The following MACROD2 variants were observed in gnomAD, a reference collection of about 807,000 sequenced individuals.
The protein encoded by MACROD2 is ADP-ribose glycohydrolase MACROD2.
In MACROD2, 36 loss-of-function variants were observed where a neutral mutation model predicts 70.4. The observed-to-expected ratio is 0.51, with a 90% confidence interval of 0.39 to 0.68. The LOEUF (loss-of-function observed/expected upper bound fraction) is 0.68. Ranked by LOEUF, MACROD2 falls within the 30% of genes least tolerant of loss-of-function variation. The pLI is 0.00. For synonymous variants in MACROD2, 172 were observed against 178.8 expected (o/e 0.96, Z 0.30); for missense variants, 496 against 538.4 (o/e 0.92, Z 0.78).
intron 8 of MACROD2, among the ~76,000 whole-genome samples, chr20:15,537,170 A>T (rs1177013484): frequency 6.6e-6 from 1 of 152,072 alleles, no homozygotes; most frequent in Non-Finnish European, 1.5e-5. Flanking sequence ...GTCTCACGAG[A>T]TCTGATGGTT....
At chr20:14,442,799 G>C (rs62204396) in intron 3 of MACROD2, among the ~76,000 whole-genome samples, 6 of 151,918 alleles carry the variant, frequency 3.9e-5, no homozygotes, top group African/African-American at 1.2e-4. Context: ...CTACAGGGCC[G>C]GGCACGGTGG....
At chr20:15,475,577 C>T (rs2047012079) in intron 7 of MACROD2, among the ~76,000 whole-genome samples, 1 of 152,202 alleles carries the variant, frequency 6.6e-6, no homozygotes, top group Non-Finnish European at 1.5e-5. Context: ...TGTGTTCCCT[C>T]AGCAAACCTC....
intron 3 of MACROD2, among the ~76,000 whole-genome samples, chr20:14,493,235 A>G (rs1208460960): frequency 6.6e-6 from 1 of 152,028 alleles, no homozygotes; most frequent in African/African-American, 2.4e-5. Context: ...TAATTTTATT[A>G]GAAGGAAATA....
chr20:15,632,902 G>A (rs536247400), intron 8 of MACROD2, among the ~76,000 whole-genome samples: 32 of 133,008 alleles, frequency 2.4e-4, no homozygotes, highest in African/African-American at 4.9e-4. Flanking sequence ...TCCTTCTTTC[G>A]TTCCCTTCTT....
chr20:14,154,398 T>C (rs2055065362), intron 3 of MACROD2, among the ~76,000 whole-genome samples: 1 of 150,840 alleles, frequency 6.6e-6, no homozygotes, highest in Non-Finnish European at 1.5e-5. Context: ...TCTTTTTTTT[T>C]TTTTTTGAGA....
In MACROD2 at chr20:15,540,131, T is replaced by C. The variant is rs186644387; in HGVS notation, c.645+40284T>C. Among the ~76,000 whole-genome samples the C allele has an allele frequency of 3.6e-3, 548 of 152,294 alleles. 3 individuals carry two copies. Among genetic ancestry groups the C allele is most frequent in the African/African-American group, 0.013 (520 of 41,556 alleles). On this transcript the variant is annotated intron_variant, in intron 8 of 17. Transcript: ENST00000684519. ...AAAGGTATAGGGATGACAGAGACCATGGTTGCTCAGATAATGACAAACAGC... is the reference window on the plus strand; with the variant it reads ...AAAGGTATAGGGATGACAGAGACCACGGTTGCTCAGATAATGACAAACAGC...
chr20:14,177,443 A>C (rs2081272063), intron 3 of MACROD2, among the ~76,000 whole-genome samples: 2 of 151,742 alleles, frequency 1.3e-5, no homozygotes, highest in Non-Finnish European at 2.9e-5. Flanking sequence ...CAGCCTCCCA[A>C]GTAGCTGGGA....
chr20:15,701,963 G>A (rs1289057648), intron 8 of MACROD2, among the ~76,000 whole-genome samples: 2 of 152,138 alleles, frequency 1.3e-5, no homozygotes, highest in Non-Finnish European at 2.9e-5. Context: ...ATGGCCTCTA[G>A]CTGCATCCAT....
At chr20:14,036,751 C>T (rs1477037932) in intron 2 of MACROD2, among the ~76,000 whole-genome samples, 2 of 152,184 alleles carry the variant, frequency 1.3e-5, no homozygotes, top group African/African-American at 4.8e-5. Flanking sequence ...GCCACCTCTG[C>T]CTCCCAGGCT....
intron 3 of MACROD2, among the ~76,000 whole-genome samples, chr20:14,314,988 T>G (rs1279241578): frequency 6.6e-6 from 1 of 152,052 alleles, no homozygotes; most frequent in East Asian, 1.9e-4. Flanking sequence ...CAAACCTAGG[T>G]CTGTCTAATT....
At chr20:14,775,571 T>A (rs1334465521) in intron 5 of MACROD2, among the ~76,000 whole-genome samples, 2 of 152,004 alleles carry the variant, frequency 1.3e-5, no homozygotes, top group Non-Finnish European at 2.9e-5. Context: ...AAGCTATTCA[T>A]GAGGGATTCA....
At chr20:14,657,905 A>G (rs900356314) in intron 4 of MACROD2, among the ~76,000 whole-genome samples, 8 of 152,114 alleles carry the variant, frequency 5.3e-5, no homozygotes, top group Non-Finnish European at 1.0e-4. Context: ...GATGTCTTCT[A>G]AAATGACTGT....
intron 5 of MACROD2, among the ~76,000 whole-genome samples, chr20:15,140,344 C>CT (rs397808845): frequency 2.5e-4 from 38 of 151,912 alleles, no homozygotes; most frequent in African/African-American, 8.2e-4. Flanking sequence ...AAAGGCCTAT[C>CT]AGTACATTAT....
chr20:15,635,314 T>A (rs6079912), intron 8 of MACROD2, among the ~76,000 whole-genome samples: 1 of 152,144 alleles, frequency 6.6e-6, no homozygotes, highest in Non-Finnish European at 1.5e-5. Flanking sequence ...AGCTAACGAA[T>A]GGCAAAACCA....
intron 3 of MACROD2, among the ~76,000 whole-genome samples, chr20:14,150,330 T>G (rs1297046936): frequency 6.6e-6 from 1 of 152,202 alleles, no homozygotes; most frequent in Non-Finnish European, 1.5e-5. Flanking sequence ...GTCATGTAAC[T>G]TCTTCTAGTA....
At chr20:14,107,475 A>C (rs549825018) in intron 3 of MACROD2, among the ~76,000 whole-genome samples, 2 of 152,306 alleles carry the variant, frequency 1.3e-5, no homozygotes, top group South Asian at 4.1e-4. Context: ...GATGGGGTAG[A>C]AAGTGTATTC....
intron 6 of MACROD2, among the ~76,000 whole-genome samples, chr20:15,417,968 A>C (rs980098312): frequency 6.6e-6 from 1 of 152,194 alleles, no homozygotes; most frequent in Non-Finnish European, 1.5e-5. Context: ...TCAAGGACCG[A>C]GGATGCTCAA....
intron 10 of MACROD2, 102 bp from the exon 11 acceptor site, chr20:15,933,174 C>A: frequency 8.8e-7 from 1 of 1,131,562 alleles, no homozygotes. Context: ...GGGAGTCATG[C>A]TACATTGGTT....
intron 12 of MACROD2, among the ~76,000 whole-genome samples, chr20:15,941,488 A>G (rs980242021): frequency 1.1e-4 from 9 of 83,770 alleles, no homozygotes; most frequent in African/African-American, 3.1e-4. Flanking sequence ...ATAGATACCT[A>G]GCTTAGAAAA....
Sources: allele counts gnomAD v4.1 joint callset (sites outside exome capture counted in the v4.1 genomes callset), GRCh38; gene constraint gnomAD v4.1.1; transcripts MANE v1.5; gene names NCBI Gene and HGNC (gene_info 2026-07-23, HGNC 2026-07-21).